Variants in CNTN6 observed in about 807,000 individuals in gnomAD.
CNTN6 encodes the protein contactin-6.
CNTN6 carries 137 observed loss-of-function variants against 122.8 expected under a neutral mutation model. The ratio of observed to expected loss-of-function variants is 1.12; its 90% CI spans 0.97 to 1.29. The LOEUF is 1.29. CNTN6 is among the 50% of genes most tolerant of loss of function. The pLI is 0.00. For missense variants in CNTN6, 1,634 were observed against 1,223.4 expected (o/e 1.34, Z -5.01); for synonymous variants, 570 against 426.0 (o/e 1.34, Z -4.16).
At chr3:1,315,696 G>A (rs155230) in intron 7 of CNTN6, among the ~76,000 whole-genome samples, 24,701 of 151,700 alleles carry the variant, frequency 0.16, 2,640 homozygotes, top group African/African-American at 0.31. Flanking sequence ...TACTGAAATG[G>A]TACTAGATGA....
intron 2 of CNTN6, among the ~76,000 whole-genome samples, chr3:1,173,967 C>T (rs1355102822): frequency 6.6e-6 from 1 of 151,884 alleles, no homozygotes; most frequent in Non-Finnish European, 1.5e-5. Context: ...TTTTCTGATG[C>T]AGTGGGTATT....
chr3:1,143,204 C>G (rs540190075), intron 1 of CNTN6, among the ~76,000 whole-genome samples: 1 of 151,984 alleles, frequency 6.6e-6, no homozygotes, highest in Middle Eastern at 3.4e-3. Context: ...TTCAGAGATT[C>G]TTTTTAATTG....
intron 20 of CNTN6, among the ~76,000 whole-genome samples, chr3:1,389,715 A>G (rs1303940129): frequency 6.6e-6 from 1 of 151,234 alleles, no homozygotes; most frequent in East Asian, 1.9e-4. Context: ...ATGGAGGAAG[A>G]TCTACTGAGC....
intron 2 of CNTN6, among the ~76,000 whole-genome samples, chr3:1,212,972 A>G (rs983800284): frequency 6.6e-6 from 1 of 152,230 alleles, no homozygotes; most frequent in Non-Finnish European, 1.5e-5. Flanking sequence ...ACTGATGATA[A>G]TTCAACAAGA....
rs184361703 is a variant in CNTN6, at chr3:1,252,400, G to A, written c.358+24407G>A. On this transcript the variant is annotated intron_variant, in intron 4 of 22. Transcript: ENST00000446702. Reference sequence around the variant, plus strand: ...CAATATATAACATTTAGAAAATAAGGAAAAGCTATTAATAATATCACCTGA... The same window carrying A: ...CAATATATAACATTTAGAAAATAAGAAAAAGCTATTAATAATATCACCTGA... Among the ~76,000 whole-genome samples, 109 of 152,224 alleles carry A rather than the reference G, an allele frequency of 7.2e-4. No homozygotes were observed. In the East Asian group the frequency reaches 0.016, roughly 23 times the overall value.
intron 2 of CNTN6, among the ~76,000 whole-genome samples, chr3:1,151,057 T>C (rs917304173): frequency 6.6e-6 from 1 of 152,168 alleles, no homozygotes; most frequent in African/African-American, 2.4e-5. Context: ...TGCCTGCACC[T>C]TTTTTCAGCC....
At chr3:1,131,410 A>G (rs1024022929) in intron 1 of CNTN6, among the ~76,000 whole-genome samples, 7 of 54,798 alleles carry the variant, frequency 1.3e-4, no homozygotes, top group African/African-American at 5.2e-4. Context: ...AAGGCTGCTT[A>G]GGGGGTTGCT....
intron 4 of CNTN6, among the ~76,000 whole-genome samples, chr3:1,255,585 T>C (rs2094743493): frequency 6.6e-6 from 1 of 152,138 alleles, no homozygotes; most frequent in African/African-American, 2.4e-5. Context: ...TAGAGCTCCA[T>C]ACAATTTTAA....
At chr3:1,359,309 T>A (rs17038174) in intron 12 of CNTN6, among the ~76,000 whole-genome samples, 1 of 152,100 alleles carries the variant, frequency 6.6e-6, no homozygotes, top group Admixed American at 6.6e-5. Flanking sequence ...GCTTTGACTA[T>A]TTGTTAATAT....
At chr3:1,139,091 A>G (rs1173646882) in intron 1 of CNTN6, among the ~76,000 whole-genome samples, 1 of 152,112 alleles carries the variant, frequency 6.6e-6, no homozygotes, top group Non-Finnish European at 1.5e-5. Flanking sequence ...TTTTTTGCAA[A>G]TAAAGTTTTT....
At chr3:1,280,459 A>T (rs1326763117) in intron 5 of CNTN6, among the ~76,000 whole-genome samples, 7 of 66,622 alleles carry the variant, frequency 1.1e-4, no homozygotes, top group Admixed American at 2.2e-4. Flanking sequence ...TGTAATACCA[A>T]TTTTTTTTTT....
intron 4 of CNTN6, among the ~76,000 whole-genome samples, chr3:1,241,267 TAAAAC>T (rs1363755241): frequency 6.6e-6 from 1 of 151,332 alleles, no homozygotes; most frequent in African/African-American, 2.4e-5. Context: ...ATAAGACAAA[TAAAAC>T]AAAATAGTGT....
chr3:1,318,994 A>T (rs1195333648), intron 7 of CNTN6, among the ~76,000 whole-genome samples: 1 of 151,646 alleles, frequency 6.6e-6, no homozygotes, highest in Admixed American at 6.6e-5. Flanking sequence ...TCTAAATAGG[A>T]GACTCCATTT....
intron 7 of CNTN6, among the ~76,000 whole-genome samples, chr3:1,313,504 A>G (rs1699680028): frequency 6.6e-6 from 1 of 152,014 alleles, no homozygotes; most frequent in Non-Finnish European, 1.5e-5. Flanking sequence ...ACTCATTCTT[A>G]TTTCTAGTTA....
intron 11 of CNTN6, among the ~76,000 whole-genome samples, chr3:1,348,705 T>C (rs540406415): frequency 2.0e-5 from 3 of 152,070 alleles, no homozygotes; most frequent in South Asian, 2.1e-4. Flanking sequence ...AAATAAGTGT[T>C]TTCTGGTCTG....
intron 4 of CNTN6, among the ~76,000 whole-genome samples, chr3:1,242,985 A>G (rs1394310684): frequency 6.6e-6 from 1 of 152,130 alleles, no homozygotes; most frequent in Non-Finnish European, 1.5e-5. Flanking sequence ...AAGGGGACGG[A>G]CTTACCTTCC....
At chr3:1,117,145 A>G (rs769308343) in intron 1 of CNTN6, among the ~76,000 whole-genome samples, 37 of 152,162 alleles carry the variant, frequency 2.4e-4, no homozygotes, top group Non-Finnish European at 4.1e-4. Flanking sequence ...AGAGATTTAT[A>G]TTGCCTTTGT....
chr3:1,319,352 G>C (rs1325208128), intron 7 of CNTN6, among the ~76,000 whole-genome samples: 1 of 151,628 alleles, frequency 6.6e-6, no homozygotes, highest in African/African-American at 2.4e-5. Flanking sequence ...TTTAGCTTTA[G>C]AAAAGTAAGT....
intron 2 of CNTN6, among the ~76,000 whole-genome samples, chr3:1,206,725 C>G (rs1279112732): frequency 6.6e-6 from 1 of 152,172 alleles, no homozygotes; most frequent in Non-Finnish European, 1.5e-5. Flanking sequence ...AGGATGTACA[C>G]TCCACTCAGC....
Sources: gnomAD v4.1 joint callset for allele counts (sites outside exome capture counted in the v4.1 genomes callset) on GRCh38, gnomAD v4.1.1 for gene constraint, MANE v1.5 for transcripts, NCBI Gene and HGNC (gene_info 2026-07-23, HGNC 2026-07-21) for gene names.